Variants in PWWP2A observed in about 807,000 individuals in gnomAD.
PWWP2A encodes the protein PWWP domain-containing protein 2A.
PWWP2A carries 18 observed loss-of-function variants against 48.5 expected under a neutral mutation model. That is an observed-to-expected ratio of 0.37 (90% CI 0.26 to 0.55). PWWP2A has a LOEUF of 0.55. Ranked by LOEUF, PWWP2A falls within the 20% of genes least tolerant of loss-of-function variation. PWWP2A has a pLI of 0.81. For missense variants in PWWP2A, 867 were observed against 976.4 expected (o/e 0.89, Z 1.49); for synonymous variants, 396 against 387.7 (o/e 1.02, Z -0.25).
intron 4 of PWWP2A, chr5:160,065,033 A>G: frequency 6.2e-7 from 1 of 1,612,254 alleles, no homozygotes; most frequent in Non-Finnish European, 8.5e-7. Context: ...GTACTCCATC[A>G]ATTTCGTTCA....
chr5:160,061,286 A>G (rs1020971572), downstream of PWWP2A, among the ~76,000 whole-genome samples: 5 of 152,196 alleles, frequency 3.3e-5, no homozygotes, highest in African/African-American at 1.2e-4. Context: ...AGATAGACCA[A>G]ATCTCTTCTT....
At chr5:160,108,655 C>CA (rs1169842088) in intron 1 of PWWP2A, 1 of 1,108,210 alleles carries the variant, frequency 9.0e-7, no homozygotes, top group Non-Finnish European at 1.2e-6. Context: ...TATATTTCCT[C>CA]AAAAAACACG....
chr5:160,091,017 T>G, downstream of PWWP2A: 1 of 985,224 alleles, frequency 1.0e-6, no homozygotes, highest in Non-Finnish European at 1.2e-6. Flanking sequence ...CCGGTTGTAA[T>G]TACCCGAATG....
chr5:160,063,995 G>A (rs956491062), intron 4 of PWWP2A, among the ~76,000 whole-genome samples: 1 of 144,234 alleles, frequency 6.9e-6, no homozygotes, highest in African/African-American at 2.6e-5. Flanking sequence ...TTGAGACGGA[G>A]TCTCACTCTG....
At chr5:160,090,338 G>A, downstream of PWWP2A, 2 of 984,000 alleles carry the variant, frequency 2.0e-6, no homozygotes, top group South Asian at 9.4e-5. Flanking sequence ...ATATTTTGAT[G>A]ACTTTTAAGT....
At position 160,118,957 on chromosome 5, in the gene PWWP2A, C is replaced by A; in HGVS notation, c.432G>T (p.Val144=). The change falls in exon 1 of 2, where the codon GTG becomes GTT. Residue 144 remains valine, a synonymous_variant. Coordinates refer to ENST00000307063, the MANE Select transcript of PWWP2A (RefSeq NM_001130864.2). ...CCGTGGAGTCCCCGCCCGCCGGCGG[C>A]ACGAGCGCCGGGGCTACGGGCTGAG... ...PLPQPVAPAL[V]PPAGGDSTVS... is the part of the protein sequence containing the mutation. 6.3e-7 allele frequency: 1 copy of A among 1,598,702 alleles called. No individual in the cohort carries two copies. Among genetic ancestry groups the A allele is most frequent in the Non-Finnish European group, 8.5e-7 (1 of 1,174,248 alleles).
At chr5:160,087,755 C>A (rs556835327), downstream of PWWP2A, among the ~76,000 whole-genome samples, 1 of 152,208 alleles carries the variant, frequency 6.6e-6, no homozygotes, top group Admixed American at 6.5e-5. Context: ...CACAGTGCTC[C>A]ATTAATATAA....
chr5:160,098,031 G>A (rs1246213798), intron 1 of PWWP2A, among the ~76,000 whole-genome samples: 2 of 152,070 alleles, frequency 1.3e-5, no homozygotes, highest in Non-Finnish European at 2.9e-5. Flanking sequence ...CTAGAATTTA[G>A]GCTCCTTCCC....
At chr5:160,086,658 C>G (rs966299283), downstream of PWWP2A, among the ~76,000 whole-genome samples, 1 of 151,948 alleles carries the variant, frequency 6.6e-6, no homozygotes, top group Non-Finnish European at 1.5e-5. Flanking sequence ...TTTGGGAGGC[C>G]GAGGCGGGTG....
In PWWP2A at chr5:160,092,002, A is replaced by G; in HGVS notation, c.*380T>C. 1 of 572,966 alleles carries G rather than the reference A, an allele frequency of 1.7e-6. No individual in the cohort carries two copies. The highest frequency in any genetic ancestry group is 2.2e-6 in the Non-Finnish European group (1 of 458,674). 35.5% of individuals were successfully genotyped at this position (572,966 alleles called of 1,614,324 possible). A position where few individuals can be genotyped will look rare whatever the true frequency, so the allele number is the denominator to read the frequency against. ...TATATACATATATATGTGTGTATAT[A>G]TACATACACGGATATATATATATAC... On this transcript the variant is annotated 3_prime_UTR_variant, in exon 2 of 2. Coordinates refer to ENST00000307063, the MANE Select transcript of PWWP2A (RefSeq NM_001130864.2).
chr5:160,071,746 C>T (rs1451144210), downstream of PWWP2A, among the ~76,000 whole-genome samples: 2 of 152,184 alleles, frequency 1.3e-5, no homozygotes, highest in African/African-American at 4.8e-5. Context: ...TGCGCAGCCC[C>T]CATTCAGATG....
chr5:160,118,688 C>T, intron 1 of PWWP2A, 117 bp downstream of exon 1: 1 of 1,072,360 alleles, frequency 9.3e-7, no homozygotes, highest in Non-Finnish European at 1.2e-6. Flanking sequence ...CGCGCAGGAC[C>T]AGAGGGCGGG....
At chr5:160,079,282 G>A (rs1042699164) in intron 3 of PWWP2A, among the ~76,000 whole-genome samples, 10 of 151,656 alleles carry the variant, frequency 6.6e-5, no homozygotes, top group African/African-American at 2.2e-4. Context: ...GTTGCCTTCC[G>A]GTGTTCCCAT....
the PWWP2A span, among the ~76,000 whole-genome samples, chr5:160,055,257 T>C: frequency 2.0e-5 from 3 of 152,242 alleles, no homozygotes; most frequent in Non-Finnish European, 4.4e-5. Context: ...TCTGTATGTA[T>C]ATATTTTTGG....
chr5:160,118,897 G>C lies in PWWP2A; in HGVS notation c.492C>G (p.Val164=). 6.2e-7 allele frequency: 1 copy of C among 1,601,996 alleles called. No homozygotes were observed. The highest frequency in any genetic ancestry group is 8.5e-7 in the Non-Finnish European group (1 of 1,175,216). The change falls in exon 1 of 2, where the codon GTC becomes GTG. Residue 164 remains valine, a synonymous_variant. Coordinates refer to ENST00000307063, the MANE Select transcript of PWWP2A (RefSeq NM_001130864.2). ...CGTCCTCAATGATGTGGTCCAGCGT[G>C]ACCCGCACCTCCGAGCCCGGGATCA... The part of the protein sequence containing the change: ...SQLIPGSEVR[V]TLDHIIEDAL...
At chr5:160,110,073 T>C (rs1757403417) in intron 1 of PWWP2A, among the ~76,000 whole-genome samples, 1 of 150,790 alleles carries the variant, frequency 6.6e-6, no homozygotes, top group Non-Finnish European at 1.5e-5. Flanking sequence ...CAGGTTGGAG[T>C]GCAATGGCAC....
chr5:160,059,804 T>C (rs1215009704), downstream of PWWP2A, among the ~76,000 whole-genome samples: 1 of 152,122 alleles, frequency 6.6e-6, no homozygotes, highest in Non-Finnish European at 1.5e-5. Flanking sequence ...CCATAACAGG[T>C]ATAAGAATAG....
chr5:160,057,301 C>G (rs1757570445), downstream of PWWP2A, among the ~76,000 whole-genome samples: 1 of 152,030 alleles, frequency 6.6e-6, no homozygotes, highest in South Asian at 2.1e-4. The surrounding 1 kb of genome is among the most constrained non-coding windows in gnomAD (Gnocchi z 4.4). Context: ...CAGTTCCAGA[C>G]CAGCACAATA....
At position 160,092,213 on chromosome 5, in the gene PWWP2A, G is replaced by C; in HGVS notation, c.*169C>G. On this transcript the variant is annotated 3_prime_UTR_variant, in exon 2 of 2. Transcript: ENST00000307063. ...AACACAAAATTTGATTATATGTTCA[G>C]TTTAAGCTCTCAGTCTAAAAATGGC... The C allele has an allele frequency of 7.3e-7, 1 of 1,364,640 alleles. No individual in the cohort carries two copies. The highest frequency in any genetic ancestry group is 9.4e-7 in the Non-Finnish European group (1 of 1,061,884). 84.5% of individuals were successfully genotyped at this position (1,364,640 alleles called of 1,614,324 possible).
Sources: allele counts gnomAD v4.1 joint callset (sites outside exome capture counted in the v4.1 genomes callset), GRCh38; gene constraint gnomAD v4.1.1; non-coding constraint Gnocchi (gnomAD v3.1); transcripts MANE v1.5; gene names NCBI Gene and HGNC (gene_info 2026-07-23, HGNC 2026-07-21).